Variants in ORC1 observed in about 807,000 individuals in gnomAD.
ORC1 encodes the protein origin recognition complex, subunit 1 homolog.
ORC1 carries 61 observed loss-of-function variants against 98.9 expected under a neutral mutation model. That is an observed-to-expected ratio of 0.62 (90% CI 0.50 to 0.76). The LOEUF (loss-of-function observed/expected upper bound fraction) is 0.76. ORC1 is among the 30% of genes least tolerant of loss of function. The pLI, the probability that ORC1 is intolerant of heterozygous loss-of-function variation, is 0.00. For synonymous variants in ORC1, 385 were observed against 406.9 expected, an observed-to-expected ratio of 0.95 and a Z score of 0.65; for missense variants, 979 against 1,072.2, an observed-to-expected ratio of 0.91 and a Z score of 1.21.
In ORC1 at chr1:52,401,361, C is replaced by A. The variant is rs976141309; in HGVS notation, c.223+1G>T. 1 of 1,614,120 alleles carries A rather than the reference C, an allele frequency of 6.2e-7. No homozygotes were observed. The highest frequency in any genetic ancestry group is 8.5e-7 in the Non-Finnish European group (1 of 1,180,010). On this transcript the variant is annotated splice_donor_variant, in intron 3 of 16. Transcript: ENST00000371568. LOFTEE classifies it high-confidence loss of function. ...GTTTATTATTCCAGTCCCAAACTCA[C>A]CATCTTCGAACAACTCAAGCAATTT...
upstream of ORC1, among the ~76,000 whole-genome samples, chr1:52,407,237 C>G (rs894756680): frequency 6.6e-6 from 1 of 152,132 alleles, no homozygotes; most frequent in Non-Finnish European, 1.5e-5. Flanking sequence ...CAGGATGGTC[C>G]CGATCTCCTG....
At chr1:52,401,586 T>A in intron 2 of ORC1, 97 bp from the exon 3 acceptor site, 1 of 1,433,642 alleles carries the variant, frequency 7.0e-7, no homozygotes, top group Non-Finnish European at 9.8e-7. Flanking sequence ...CCAATCCTGA[T>A]TTCTTTCTGC....
intron 1 of ORC1, among the ~76,000 whole-genome samples, chr1:52,402,613 G>A (rs1245138227): frequency 2.6e-5 from 4 of 152,180 alleles, no homozygotes; most frequent in Non-Finnish European, 5.9e-5. Context: ...TCTTCATGAC[G>A]CTTATAAAAT....
chr1:52,408,143 G>C (rs1473090799), upstream of ORC1: 2 of 315,598 alleles, frequency 6.3e-6, no homozygotes, highest in African/African-American at 4.4e-5. Context: ...TGGAGGCTGA[G>C]GCATGAGAAT....
At chr1:52,377,555 A>G (rs1229227737) in intron 14 of ORC1, among the ~76,000 whole-genome samples, 6 of 152,126 alleles carry the variant, frequency 3.9e-5, no homozygotes, top group Non-Finnish European at 7.4e-5. Flanking sequence ...GATTATAGGC[A>G]TGAGCCACCC....
In ORC1 at chr1:52,401,471, T is replaced by C; in HGVS notation, c.114A>G (p.Thr38=). The C allele has an allele frequency of 2.5e-6, 4 of 1,613,340 alleles. No individual in the cohort carries two copies. The highest frequency in any genetic ancestry group is 1.1e-5 in the South Asian group (1 of 91,042). ...TGTGAATCTCGGTGGAACAACCTTC[T>C]GTTTTCACACACATTTCTCTAGGAA... The part of the protein sequence containing the change: ...YQTYREMCVK[T]EGCSTEIHIQ... Residue 38 remains threonine (T), a synonymous_variant, in exon 3 of 17, where the codon ACA becomes ACG. Coordinates refer to ENST00000371568, the MANE Select transcript of ORC1 (RefSeq NM_004153.4).
Position 52,402,125 on chromosome 1 carries a change from TC to T in ORC1, c.95+3del, listed in dbSNP as rs749173961. On this transcript the variant is annotated splice_donor_region_variant and intron_variant, in intron 2 of 16. Transcript: ENST00000371568. ...CAGGACAACCAAAGGACCCCATCAC[TC>T]ACCTATAGGTTTGGTAGTGCAGTTT... The T allele has an allele frequency of 1.2e-6, 2 of 1,610,164 alleles. No homozygotes were observed. Among genetic ancestry groups the T allele is most frequent in the Non-Finnish European group, 1.7e-6 (2 of 1,176,386 alleles).
rs576163345 is a variant in ORC1 at position 52,389,265 on chromosome 1, C to A, written c.1139G>T (p.Arg380Leu). 1.2e-5 allele frequency: 20 copies of A among 1,614,022 alleles called. No homozygotes were observed. Among genetic ancestry groups the A allele is most frequent in the Non-Finnish European group, 1.5e-5 (18 of 1,180,006 alleles). ...CATAGTCAAGACAGAACTCTTTCTG[C>A]GGATACGATGGGGAGTAGAGGTCGC... is the stretch of plus-strand genomic sequence containing the variant. ...NEATSTPHRI[R>L]RKSSVLTMNR... The change falls in exon 7 of 17, where the codon CGC becomes CTC. Residue 380 changes from arginine to leucine, a missense_variant. Transcript: ENST00000371568.
intron 3 of ORC1, 41 bp from the exon 4 acceptor site, chr1:52,397,904 C>T (rs1647493715): frequency 6.4e-7 from 1 of 1,565,604 alleles, no homozygotes; most frequent in Admixed American, 1.7e-5. Flanking sequence ...TAAGACAACT[C>T]AAGGACACTT....
chr1:52,403,822 C>T (rs951383490), intron 1 of ORC1, among the ~76,000 whole-genome samples: 11 of 152,154 alleles, frequency 7.2e-5, no homozygotes, highest in Non-Finnish European at 1.5e-5. Context: ...ACACGTCCCT[C>T]CCTGGGCGCA....
At position 52,383,526 on chromosome 1, in the gene ORC1, A is replaced by T; in HGVS notation, c.1907T>A (p.Leu636His). The change falls in exon 13 of 17, where the codon CTC (leucine) becomes CAC (histidine). Residue 636 changes from leucine to histidine, a missense_variant. Coordinates refer to ENST00000371568, the MANE Select transcript of ORC1 (RefSeq NM_004153.4). ...WTHKQDIMYN[L>H]FDWPTHKEAR... ...CTCCTTATGAGTGGGCCAGTCAAAG[A>T]GATTGTACATTATGTCTTGTTTGTG... The T allele has an allele frequency of 1.2e-6, 2 of 1,614,004 alleles. No individual in the cohort carries two copies.
chr1:52,397,675 C>T lies in ORC1; in HGVS notation c.402+10G>A, dbSNP rs1233322578. 1.2e-6 allele frequency: 2 copies of T among 1,613,616 alleles called. No individual in the cohort carries two copies. The highest frequency in any genetic ancestry group is 1.3e-5 in the African/African-American group (1 of 74,916). On this transcript the variant is annotated intron_variant, in intron 4 of 16. Coordinates refer to ENST00000371568, the MANE Select transcript of ORC1 (RefSeq NM_004153.4). ...TTCAAGGTAGAACCAAGGATGGTGG[C>T]ATCACCTACCCGAACAAGGCCAATG...
At chr1:52,388,053 T>G (rs1282475617) in intron 8 of ORC1, among the ~76,000 whole-genome samples, 1 of 152,158 alleles carries the variant, frequency 6.6e-6, no homozygotes, top group Admixed American at 6.5e-5. Context: ...TAAGTAGCAC[T>G]CCCGGTTTCT....
chr1:52,388,316 A>G, intron 8 of ORC1, 126 bp downstream of exon 8: 1 of 845,674 alleles, frequency 1.2e-6, no homozygotes, highest in East Asian at 2.4e-5. Flanking sequence ...TTCCACAAAG[A>G]ATAGCATTGA....
chr1:52,396,410 A>G (rs746766563), intron 4 of ORC1, 46 bp from the exon 5 acceptor site: 2 of 1,612,124 alleles, frequency 1.2e-6, no homozygotes, highest in South Asian at 2.2e-5. Flanking sequence ...GAGCCCCAAG[A>G]GAGCCAAGGA....
chr1:52,395,284 A>AGGT (rs1356599337), intron 5 of ORC1, among the ~76,000 whole-genome samples: 1 of 152,190 alleles, frequency 6.6e-6, no homozygotes, highest in Non-Finnish European at 1.5e-5. Flanking sequence ...GTCTGCATAT[A>AGGT]GGTATACATA....
rs1388037513 is a variant in ORC1, at chr1:52,388,549, C to T, written c.1276G>A (p.Ala426Thr). 1 of 1,613,978 alleles carries T rather than the reference C, an allele frequency of 6.2e-7. No individual in the cohort carries two copies. The highest frequency in any genetic ancestry group is 1.3e-5 in the African/African-American group (1 of 74,904). ...CTCCTTGGAAGGGGCGGTGTGGAAG[C>T]CTCTTCTTCGTCACTGCTAGAGTCT... The part of the protein sequence containing the change: ...ISDSSSDEEE[A>T]STPPLPRRAP... Residue 426 changes from alanine to threonine, a missense_variant, in exon 8 of 17, where the codon GCT becomes ACT. Ala to Thr is a moderately conservative substitution (Grantham distance 58). Coordinates refer to ENST00000371568, the MANE Select transcript of ORC1 (RefSeq NM_004153.4).
At chr1:52,403,427 C>T (rs1457272260) in intron 1 of ORC1, among the ~76,000 whole-genome samples, 4 of 152,180 alleles carry the variant, frequency 2.6e-5, no homozygotes, top group Admixed American at 1.3e-4. Flanking sequence ...CACAAACCTC[C>T]TAAAGTCCAC....
At chr1:52,400,830 G>T (rs1647671049) in intron 3 of ORC1, among the ~76,000 whole-genome samples, 1 of 152,124 alleles carries the variant, frequency 6.6e-6, no homozygotes, top group Admixed American at 6.5e-5. Flanking sequence ...CTCATCTCTG[G>T]TAAATGTCAC....
Sources: allele counts gnomAD v4.1 joint callset (sites outside exome capture counted in the v4.1 genomes callset), GRCh38; gene constraint gnomAD v4.1.1; transcripts MANE v1.5; gene names NCBI Gene and HGNC (gene_info 2026-07-23, HGNC 2026-07-21).